Variants in SLC45A4 observed in about 807,000 individuals in gnomAD.
SLC45A4 encodes solute carrier family 45 member 4.
Under a neutral mutation model 63.7 loss-of-function variants are expected in SLC45A4, and 32 were observed. The ratio of observed to expected loss-of-function variants is 0.50; its 90% CI spans 0.38 to 0.67. The LOEUF is 0.67. SLC45A4 is among the 30% of genes least tolerant of loss of function. The pLI, the probability that SLC45A4 is intolerant of heterozygous loss-of-function variation, is 0.00. For synonymous variants in SLC45A4, 535 were observed against 510.0 expected, an observed-to-expected ratio of 1.05 and a Z score of -0.66; for missense variants, 1,027 against 1,157.7, an observed-to-expected ratio of 0.89 and a Z score of 1.64.
At chr8:141,230,155 T>C in intron 2 of SLC45A4, 2 of 455,816 alleles carry the variant, frequency 4.4e-6, no homozygotes, top group South Asian at 3.1e-5. Context: ...GAGTAGACTC[T>C]TGGAAGTAGG....
intron 1 of SLC45A4, among the ~76,000 whole-genome samples, chr8:141,286,331 G>A (rs1830144580): frequency 6.6e-6 from 1 of 152,172 alleles, no homozygotes; most frequent in Non-Finnish European, 1.5e-5. Context: ...CCCTGCGTGA[G>A]ACATGGGATC....
intron 2 of SLC45A4, among the ~76,000 whole-genome samples, chr8:141,249,571 G>A (rs1049030353): frequency 6.6e-5 from 10 of 152,166 alleles, no homozygotes; most frequent in African/African-American, 2.4e-4. Context: ...GGCTGATGTG[G>A]GGGGCATTTG....
rs1482348402 is a variant in SLC45A4, at chr8:141,229,220, C to T, written c.242-7455G>A. Among the ~76,000 whole-genome samples the T allele has an allele frequency of 6.6e-5, 10 of 152,228 alleles. No individual in the cohort carries two copies. In the East Asian group the frequency reaches 7.7e-4, roughly 12 times the overall value. Reference sequence around the variant, plus strand: ...GGTTCCTCCCTCATCCTCCGTAACCCACCCGCCACCTGCAGTCAGAGTGAC... The same window carrying T: ...GGTTCCTCCCTCATCCTCCGTAACCTACCCGCCACCTGCAGTCAGAGTGAC... On this transcript the variant is annotated intron_variant, in intron 2 of 8. Transcript: ENST00000517878. This position sits in a 1 kb window ranked among gnomAD's most constrained non-coding sequence, Gnocchi z 5.0.
chr8:141,301,759 A>AAAAAAAAAAAAAG (rs1830752104), intron 1 of SLC45A4, among the ~76,000 whole-genome samples: 1 of 137,438 alleles, frequency 7.3e-6, no homozygotes, highest in Non-Finnish European at 1.6e-5. Flanking sequence ...AAAAAAAAAA[A>AAAAAAAAAAAAAG]AAATCCTGGG....
At chr8:141,294,638 G>A (rs1830476299) in intron 1 of SLC45A4, among the ~76,000 whole-genome samples, 1 of 152,248 alleles carries the variant, frequency 6.6e-6, no homozygotes, top group South Asian at 2.1e-4. Flanking sequence ...TGAGCTCAAC[G>A]TGGCAACCCA....
chr8:141,219,082 G>T lies in SLC45A4; in HGVS notation c.611-53C>A, dbSNP rs184812639. ...AGCCGGTGGCACCAGGCCACAGGGG[G>T]GGAAGCTCTGGGAGGGCCTCTCCCT... On this transcript the variant is annotated intron_variant, in intron 4 of 8. Transcript: ENST00000517878. 1,061 of 1,560,666 alleles carry T rather than the reference G, an allele frequency of 6.8e-4. 3 individuals are homozygous for T. In the African/African-American group the frequency reaches 0.012, roughly 17 times the overall value.
intron 1 of SLC45A4, among the ~76,000 whole-genome samples, chr8:141,255,785 G>C (rs562303863): frequency 6.6e-6 from 1 of 152,130 alleles, no homozygotes; most frequent in Admixed American, 6.5e-5. Context: ...TAGGAGGCTG[G>C]GTGGAATGAG....
chr8:141,269,614 G>A (rs115642038), intron 1 of SLC45A4, among the ~76,000 whole-genome samples: 2,121 of 151,498 alleles, frequency 0.014, 44 homozygotes, highest in African/African-American at 0.049. Context: ...ATCAATGTCT[G>A]CCTATGTGTC....
At chr8:141,289,235 G>C (rs915567227) in intron 1 of SLC45A4, among the ~76,000 whole-genome samples, 1 of 152,182 alleles carries the variant, frequency 6.6e-6, no homozygotes, top group African/African-American at 2.4e-5. Flanking sequence ...TCGAGAAGGA[G>C]TGAGAAACAG....
In SLC45A4 at chr8:141,227,470, C is replaced by T. The variant is rs138814982; in HGVS notation, c.242-5705G>A. 3.9e-5 allele frequency among the ~76,000 whole-genome samples: 6 copies of T among 152,312 alleles called. No individual in the cohort carries two copies. The highest frequency in any genetic ancestry group is 5.9e-5 in the Non-Finnish European group (4 of 68,020). On this transcript the variant is annotated intron_variant, in intron 2 of 8. Coordinates refer to ENST00000517878, the MANE Select transcript of SLC45A4 (RefSeq NM_001286646.2). The surrounding 1 kb of genome is among the most constrained non-coding windows in gnomAD (Gnocchi z 4.4). ...TGTGCTGGGACCAAATGCCACAGTG[C>T]GGCGAAACTCGTGAGCACAAGTCCT...
intron 1 of SLC45A4, among the ~76,000 whole-genome samples, chr8:141,262,530 C>A (rs1163264126): frequency 6.6e-6 from 1 of 151,732 alleles, no homozygotes; most frequent in Non-Finnish European, 1.5e-5. Flanking sequence ...AGAAAAAAAA[C>A]AACCCCATCA....
At chr8:141,219,475 G>A (rs1191432978) in intron 4 of SLC45A4, among the ~76,000 whole-genome samples, 175 bp downstream of exon 4, 7 of 152,136 alleles carry the variant, frequency 4.6e-5, no homozygotes, top group South Asian at 2.1e-4. Context: ...CACTGTGCTT[G>A]GTGGTCAGGA....
chr8:141,234,383 G>A (rs1052148505), intron 2 of SLC45A4, among the ~76,000 whole-genome samples: 5 of 152,220 alleles, frequency 3.3e-5, no homozygotes, highest in African/African-American at 7.2e-5. Flanking sequence ...AGGGTGCGGG[G>A]TGGGCTTCCT....
At chr8:141,284,139 C>A (rs1336390278) in intron 1 of SLC45A4, among the ~76,000 whole-genome samples, 1 of 152,256 alleles carries the variant, frequency 6.6e-6, no homozygotes, top group Non-Finnish European at 1.5e-5. Context: ...CCCCAAACCA[C>A]CCGCACCTAG....
chr8:141,247,978 G>A lies in SLC45A4; in HGVS notation c.241+6011C>T, dbSNP rs563569251. On this transcript the variant is annotated intron_variant, in intron 2 of 8. Transcript: ENST00000517878. Reference sequence around the variant, plus strand: ...GGAGGGGGAATCCCTCAACTCTTACGGTATACAAAAATTCACTCAAAATGG... The same window carrying A: ...GGAGGGGGAATCCCTCAACTCTTACAGTATACAAAAATTCACTCAAAATGG... Among the ~76,000 whole-genome samples the A allele has an allele frequency of 5.3e-5, 8 of 152,158 alleles. No homozygotes were observed. In the East Asian group the frequency reaches 5.8e-4, roughly 11 times the overall value.
At chr8:141,295,085 G>T (rs571184672) in intron 1 of SLC45A4, among the ~76,000 whole-genome samples, 1 of 152,342 alleles carries the variant, frequency 6.6e-6, no homozygotes, top group Admixed American at 6.5e-5. Context: ...GAGGGGTGTG[G>T]ACATTCCAGA....
At chr8:141,284,094 AATGACTCAGTGATT>A (rs1830055574) in intron 1 of SLC45A4, among the ~76,000 whole-genome samples, 1 of 152,204 alleles carries the variant, frequency 6.6e-6, no homozygotes, top group Non-Finnish European at 1.5e-5. Context: ...CAATTTGCTT[AATGACTCAGTGATT>A]ATTTGATGAC....
chr8:141,222,085 CCAGGGCTGGACA>C (rs1227729518), intron 2 of SLC45A4, among the ~76,000 whole-genome samples: 1 of 113,994 alleles, frequency 8.8e-6, no homozygotes, highest in African/African-American at 3.4e-5. Flanking sequence ...GGCGCCCCGC[CCAGGGCTGGACA>C]CAGGGCTGAG....
At chr8:141,248,986 C>G (rs1435292522) in intron 2 of SLC45A4, among the ~76,000 whole-genome samples, 1 of 149,622 alleles carries the variant, frequency 6.7e-6, no homozygotes, top group African/African-American at 2.5e-5. Flanking sequence ...CTGTGGCACT[C>G]CAGCCTGGGT....
Sources: gnomAD v4.1 joint callset for allele counts (sites outside exome capture counted in the v4.1 genomes callset) on GRCh38, gnomAD v4.1.1 for gene constraint, Gnocchi (gnomAD v3.1) non-coding constraint, MANE v1.5 for transcripts, NCBI Gene and HGNC (gene_info 2026-07-23, HGNC 2026-07-21) for gene names.